RPAP1: variants seen among roughly 807,000 people sequenced by gnomAD.
RPAP1 encodes the protein RNA polymerase II-associated protein 1.
In RPAP1, 109 loss-of-function variants were observed where a neutral mutation model predicts 142.4. That is an observed-to-expected ratio of 0.77 (90% CI 0.66 to 0.90). The LOEUF (loss-of-function observed/expected upper bound fraction) is 0.90. Ranked by LOEUF, RPAP1 falls within the 40% of genes least tolerant of loss-of-function variation. The pLI, the probability that RPAP1 is intolerant of heterozygous loss-of-function variation, is 0.00. For missense variants in RPAP1, 1,546 were observed against 1,751.7 expected, an observed-to-expected ratio of 0.88 and a Z score of 2.10; for synonymous variants, 704 against 738.9, an observed-to-expected ratio of 0.95 and a Z score of 0.77.
chr15:41,522,984 A>C, intron 18 of RPAP1, 24 bp from the exon 19 acceptor site: 1 of 1,499,930 alleles, frequency 6.7e-7, no homozygotes. Context: ...GGAGAGTCTG[A>C]GGGGGACTCT....
At chr15:41,527,723 T>G in intron 11 of RPAP1, 118 bp from the exon 12 acceptor site, 1 of 1,455,990 alleles carries the variant, frequency 6.9e-7, no homozygotes, top group Non-Finnish European at 9.2e-7. Context: ...CTTTAGGGAC[T>G]TTAGGAGATG....
At chr15:41,518,406 T>C (rs1482958635) in intron 22 of RPAP1, 2 of 443,732 alleles carry the variant, frequency 4.5e-6, no homozygotes, top group Non-Finnish European at 7.9e-6. Flanking sequence ...AAATTGGCCA[T>C]GTGTAGTGGG....
At chr15:41,525,299 ATTAT>A (rs2051780166) in intron 14 of RPAP1, 151 bp from the exon 15 acceptor site, 8 of 402,244 alleles carry the variant, frequency 2.0e-5, no homozygotes, top group East Asian at 1.5e-4. Flanking sequence ...CTTCCTTCTT[ATTAT>A]TTATTTAAAA....
chr15:41,541,200 C>A (rs2051969081), intron 1 of RPAP1, among the ~76,000 whole-genome samples: 2 of 151,740 alleles, frequency 1.3e-5, no homozygotes, highest in Admixed American at 1.3e-4. Context: ...GTGGGTGGAT[C>A]ATCTGAGGTC....
intron 22 of RPAP1, chr15:41,519,809 T>A (rs978532049): frequency 5.6e-4 from 87 of 154,560 alleles, no homozygotes; most frequent in African/African-American, 1.9e-3. Flanking sequence ...AGCATCTGAA[T>A]AATTCACAAC....
rs1566889334 is a variant in RPAP1, at chr15:41,535,036, T to C, written c.542-101A>G. 7.7e-6 allele frequency: 9 copies of C among 1,162,702 alleles called. No individual in the cohort carries two copies. The East Asian group carries it at 2.3e-4, about 29-fold the overall frequency. The allele number at this position is 1,162,702 out of a possible 1,614,324, so 72.0% of individuals were successfully genotyped here. A position where few individuals can be genotyped will look rare whatever the true frequency, so the allele number is the denominator to read the frequency against. On this transcript the variant is annotated intron_variant, in intron 5 of 24. Coordinates refer to ENST00000304330, the MANE Select transcript of RPAP1 (RefSeq NM_015540.4). ...AGGCTATTAGCCCTGGAGACAGGTA[T>C]AGACCCAAACTTTCCTCAGAGTGGA...
Position 41,527,052 on chromosome 15 carries a change from C to T in RPAP1, c.1763G>A (p.Arg588Gln), listed in dbSNP as rs143236694. The T allele has an allele frequency of 8.2e-5, 133 of 1,614,080 alleles. No individual in the cohort carries two copies. Among genetic ancestry groups the T allele is most frequent in the African/African-American group, 2.3e-4 (17 of 75,044 alleles). The change falls in exon 14 of 25, where the codon CGG becomes CAG. Residue 588 changes from arginine to glutamine, a missense_variant. By Grantham distance (43) the Arg-to-Gln change is conservative (BLOSUM62 1). Around this residue, in one of 3 missense-constraint regions of RPAP1, gnomAD observed 1,333 missense variants for 1,486.6 expected, o/e 0.90. Transcript: ENST00000304330. ...ESATRVLECPRLIETIVREFL... is the reference protein window; with the variant it reads ...ESATRVLECPQLIETIVREFL... ...CTCTCGAACTATAGTCTCTATCAGCCGAGGGCACTCCAGGACCTATGGGAG... is the reference window on the plus strand; with the variant it reads ...CTCTCGAACTATAGTCTCTATCAGCTGAGGGCACTCCAGGACCTATGGGAG...
At chr15:41,523,435 A>G in intron 17 of RPAP1, 81 bp from the exon 18 acceptor site, 1 of 924,466 alleles carries the variant, frequency 1.1e-6, no homozygotes, top group Non-Finnish European at 1.7e-6. Context: ...CAATGCCACC[A>G]TCCCAACAGC....
intron 6 of RPAP1, among the ~76,000 whole-genome samples, chr15:41,533,902 A>G (rs2051880521): frequency 6.6e-6 from 1 of 151,486 alleles, no homozygotes; most frequent in African/African-American, 2.4e-5. Flanking sequence ...CCAGTGGATC[A>G]CCTGAGGTCA....
intron 19 of RPAP1, 27 bp from the exon 20 acceptor site, chr15:41,522,277 C>T (rs2051734585): frequency 1.2e-6 from 2 of 1,606,382 alleles, no homozygotes; most frequent in African/African-American, 1.3e-5. Context: ...TTGTTCAGAT[C>T]TAGAAATTGA....
intron 1 of RPAP1, among the ~76,000 whole-genome samples, chr15:41,539,672 T>C (rs2051951646): frequency 6.6e-6 from 1 of 152,094 alleles, no homozygotes; most frequent in African/African-American, 2.4e-5. Context: ...TCAAGAAATC[T>C]GCCCACCTTG....
At position 41,535,499 on chromosome 15, in the gene RPAP1, A is replaced by C. The variant is rs747291426; in HGVS notation, c.541+13T>G. On this transcript the variant is annotated intron_variant, in intron 5 of 24. Coordinates refer to ENST00000304330, the MANE Select transcript of RPAP1 (RefSeq NM_015540.4). ...AAAAAGGCCAAGCCCAATCCTCTTCAACCCCGGCTCACCCTCTGGTGGGCC... is the reference window on the plus strand; with the variant it reads ...AAAAAGGCCAAGCCCAATCCTCTTCCACCCCGGCTCACCCTCTGGTGGGCC... 92 of 1,593,718 alleles carry C rather than the reference A, an allele frequency of 5.8e-5. No homozygotes were observed. In the East Asian group the frequency reaches 1.4e-3, roughly 25 times the overall value.
intron 22 of RPAP1, 123 bp downstream of exon 22, chr15:41,520,268 C>G (rs1052055023): frequency 1.8e-6 from 2 of 1,091,606 alleles, no homozygotes; most frequent in Non-Finnish European, 2.7e-6. Flanking sequence ...CTCTTAATCC[C>G]CTCAAAGCCC....
chr15:41,536,887 G>A, intron 2 of RPAP1, 58 bp downstream of exon 2: 2 of 1,567,666 alleles, frequency 1.3e-6, no homozygotes, highest in Non-Finnish European at 1.7e-6. Flanking sequence ...ACAGGAAGAG[G>A]GAGGGGCCCG....
intron 8 of RPAP1, 76 bp from the exon 9 acceptor site, chr15:41,529,644 C>A (rs1432217999): frequency 9.1e-6 from 10 of 1,099,964 alleles, no homozygotes; most frequent in Non-Finnish European, 1.4e-5. Flanking sequence ...CCTTTAATCC[C>A]AGGCCTTTCA....
In RPAP1 at chr15:41,520,755, G is replaced by T; in HGVS notation, c.3431C>A (p.Pro1144His). Residue 1144 changes from proline to histidine, a missense_variant, in exon 22 of 25, where the codon CCC (proline) becomes CAC (histidine). Transcript: ENST00000304330. ...QWVLVLESWR[P>H]QALWAVPPAA... ...AGGGGGCACAGCCCAGAGAGCCTGG[G>T]GGCGCCAGCTCTCCAAAACTAGCAC... The T allele has an allele frequency of 6.2e-7, 1 of 1,613,754 alleles. No homozygotes were observed. Among genetic ancestry groups the T allele is most frequent in the South Asian group, 1.1e-5 (1 of 91,074 alleles).
chr15:41,536,681 A>G, intron 2 of RPAP1, 32 bp from the exon 3 acceptor site: 1 of 1,607,672 alleles, frequency 6.2e-7, no homozygotes, highest in South Asian at 1.1e-5. Flanking sequence ...ACGTGAGTAT[A>G]TGCACACCTT....
Position 41,528,003 on chromosome 15 carries a change from G to A in RPAP1, c.1285C>T (p.Arg429Trp), listed in dbSNP as rs752342210. ...SRAQAGEFGDRLAGSVLSLLL... is the reference protein window; with the variant it reads ...SRAQAGEFGDWLAGSVLSLLL... ...AGGCTTAAGACACTGCCTGCTAGCC[G>A]GTCCCCAAACTCACCAGCCTGGGCC... Residue 429 changes from arginine to tryptophan, a missense_variant, in exon 11 of 25, where the codon CGG becomes TGG. By Grantham distance (101) the Arg-to-Trp change is moderately radical. Transcript: ENST00000304330. 2.1e-5 allele frequency: 34 copies of A among 1,613,792 alleles called. No homozygotes were observed. The highest frequency in any genetic ancestry group is 6.7e-5 in the Admixed American group (4 of 59,972).
At chr15:41,523,220 C>A in intron 18 of RPAP1, 25 bp downstream of exon 18, 1 of 1,459,716 alleles carries the variant, frequency 6.9e-7, no homozygotes, top group Non-Finnish European at 9.3e-7. Flanking sequence ...CCCTGCTTCC[C>A]CCAGCTACCA....
Sources: allele counts gnomAD v4.1 joint callset (sites outside exome capture counted in the v4.1 genomes callset), GRCh38; gene constraint gnomAD v4.1.1; regional missense constraint gnomAD v4.1.1; transcripts MANE v1.5; gene names NCBI Gene and HGNC (gene_info 2026-07-23, HGNC 2026-07-21).